KAZN: variants seen among roughly 807,000 people sequenced by gnomAD.
KAZN encodes the protein kazrin, periplakin interacting protein, also known as kazrin.
Under a neutral mutation model 87.4 loss-of-function variants are expected in KAZN, and 40 were observed. That is an observed-to-expected ratio of 0.46 (90% CI 0.36 to 0.60). The LOEUF (loss-of-function observed/expected upper bound fraction) is 0.60, where lower values mean the gene tolerates loss of function less well. KAZN is among the 20% of genes least tolerant of loss of function. The pLI is 0.00. For synonymous variants in KAZN, 466 were observed against 458.3 expected (o/e 1.02, Z -0.22); for missense variants, 898 against 1,073.9 (o/e 0.84, Z 2.29).
At chr1:13,921,094 C>T (rs954225703) in intron 1 of KAZN, among the ~76,000 whole-genome samples, 9 of 152,158 alleles carry the variant, frequency 5.9e-5, no homozygotes, top group African/African-American at 1.4e-4. Flanking sequence ...CCAAGGATGA[C>T]TGATATTGAA....
chr1:14,073,139 C>T (rs1225598263), intron 1 of KAZN, among the ~76,000 whole-genome samples: 1 of 152,140 alleles, frequency 6.6e-6, no homozygotes, highest in East Asian at 1.9e-4. Context: ...GCAACAAGAA[C>T]CACATTTGAG....
intron 1 of KAZN, among the ~76,000 whole-genome samples, chr1:13,940,988 A>C (rs528913044): frequency 6.6e-6 from 1 of 152,306 alleles, no homozygotes; most frequent in African/African-American, 2.4e-5. Context: ...TGAGGTCAGG[A>C]GTTCGAGACC....
chr1:14,929,171 C>T (rs1224135420), intron 1 of KAZN, among the ~76,000 whole-genome samples: 4 of 152,236 alleles, frequency 2.6e-5, no homozygotes, highest in Non-Finnish European at 4.4e-5. Context: ...TGATGCTACC[C>T]ATGCCATAAG....
At chr1:14,312,654 G>A (rs1308864477) in intron 2 of KAZN, among the ~76,000 whole-genome samples, 1 of 152,098 alleles carries the variant, frequency 6.6e-6, no homozygotes, top group Non-Finnish European at 1.5e-5. Context: ...ACTGGGCGTA[G>A]TAACTTGCTT....
At chr1:14,770,884 C>A (rs941561360) in intron 1 of KAZN, among the ~76,000 whole-genome samples, 3 of 152,114 alleles carry the variant, frequency 2.0e-5, no homozygotes, top group Non-Finnish European at 2.9e-5. Flanking sequence ...CAGGAATTAA[C>A]TTTGAGGCTG....
chr1:14,843,800 G>A (rs1648329856), intron 1 of KAZN, among the ~76,000 whole-genome samples: 1 of 152,098 alleles, frequency 6.6e-6, no homozygotes, highest in South Asian at 2.1e-4. Flanking sequence ...TGTCTTTTCT[G>A]CTAATCTTGA....
intron 1 of KAZN, among the ~76,000 whole-genome samples, chr1:14,789,322 CTG>C (rs935896574): frequency 1.3e-5 from 2 of 152,176 alleles, no homozygotes; most frequent in African/African-American, 4.8e-5. Flanking sequence ...CCAATAAAGT[CTG>C]TTTCCACAGA....
chr1:14,964,265 ATAATTGGGAC>A (rs1664201055), intron 2 of KAZN, among the ~76,000 whole-genome samples: 1 of 152,180 alleles, frequency 6.6e-6, no homozygotes, highest in African/African-American at 2.4e-5. Context: ...TGTTTTTCTT[ATAATTGGGAC>A]TAATAAACAG....
At chr1:14,624,304 C>A (rs765778645) in intron 1 of KAZN, among the ~76,000 whole-genome samples, 8 of 152,122 alleles carry the variant, frequency 5.3e-5, no homozygotes, top group Non-Finnish European at 1.2e-4. Context: ...TGCCTGTAGT[C>A]CCAGCTACTC....
chr1:14,982,192 T>A (rs1362289537), intron 2 of KAZN, among the ~76,000 whole-genome samples: 1 of 152,082 alleles, frequency 6.6e-6, no homozygotes, highest in Non-Finnish European at 1.5e-5. Context: ...GGCTGGCAAG[T>A]GGAGGAGCCG....
At chr1:13,906,482 G>C (rs1386969139) in intron 1 of KAZN, among the ~76,000 whole-genome samples, 1 of 152,172 alleles carries the variant, frequency 6.6e-6, no homozygotes, top group Non-Finnish European at 1.5e-5. Context: ...GGGCAGAAAG[G>C]CTGTACTACT....
At chr1:14,179,021 A>G (rs74059722) in intron 1 of KAZN, among the ~76,000 whole-genome samples, 12,139 of 152,164 alleles carry the variant, frequency 0.08, 1,603 homozygotes, top group African/African-American at 0.27. Flanking sequence ...CATGTCAACA[A>G]TTTATGGACA....
At chr1:15,044,270 G>GGGGGGGCCCCC in intron 4 of KAZN, 111 bp downstream of exon 4, 1 of 413,334 alleles carries the variant, frequency 2.4e-6, no homozygotes. Flanking sequence ...GGTGGGTGGG[G>GGGGGGGCCCCC]CAGAGCAGAA....
At chr1:14,173,339 T>C (rs528988563) in intron 1 of KAZN, among the ~76,000 whole-genome samples, 41 of 152,258 alleles carry the variant, frequency 2.7e-4, no homozygotes, top group South Asian at 2.1e-4. Context: ...AACTGAGAAG[T>C]CTGTGGCTGA....
intron 1 of KAZN, among the ~76,000 whole-genome samples, chr1:14,085,663 A>G (rs1369212561): frequency 6.6e-6 from 1 of 152,134 alleles, no homozygotes; most frequent in Non-Finnish European, 1.5e-5. Flanking sequence ...TTCACAGGTG[A>G]TGGACATTTG....
At chr1:14,392,805 G>T (rs1026204398) in intron 2 of KAZN, among the ~76,000 whole-genome samples, 1 of 152,180 alleles carries the variant, frequency 6.6e-6, no homozygotes, top group African/African-American at 2.4e-5. Flanking sequence ...TAGCCCAGTG[G>T]AATCAAGAGT....
At chr1:14,445,240 G>T (rs1315652044) in intron 2 of KAZN, among the ~76,000 whole-genome samples, 1 of 152,026 alleles carries the variant, frequency 6.6e-6, no homozygotes, top group South Asian at 2.1e-4. Flanking sequence ...TGGCCAGGCT[G>T]GTCTCGAACT....
At chr1:14,577,750 G>T (rs1675279593) in intron 2 of KAZN, among the ~76,000 whole-genome samples, 1 of 152,138 alleles carries the variant, frequency 6.6e-6, no homozygotes. Flanking sequence ...AGTGATCATT[G>T]CATTCCTGAC....
chr1:14,464,262 T>C (rs1668000205), intron 2 of KAZN, among the ~76,000 whole-genome samples: 1 of 152,266 alleles, frequency 6.6e-6, no homozygotes, highest in Non-Finnish European at 1.5e-5. Context: ...TGTGAGTTAC[T>C]TGGCTTGCAA....
Sources: allele counts gnomAD v4.1 joint callset (sites outside exome capture counted in the v4.1 genomes callset), GRCh38; gene constraint gnomAD v4.1.1; transcripts MANE v1.5; gene names NCBI Gene and HGNC (gene_info 2026-07-23, HGNC 2026-07-21).